Variants in PRKCB observed in about 807,000 individuals in gnomAD.
PRKCB encodes protein kinase C beta type.
PRKCB carries 13 observed loss-of-function variants against 81.5 expected under a neutral mutation model. The observed-to-expected ratio is 0.16, with a 90% CI of 0.10 to 0.25. The LOEUF (loss-of-function observed/expected upper bound fraction) is 0.25. PRKCB is among the 10% of genes least tolerant of loss of function. The pLI, the probability that PRKCB is intolerant of heterozygous loss-of-function variation, is 1.00. For synonymous variants in PRKCB, 335 were observed against 321.4 expected (o/e 1.04, Z -0.45); for missense variants, 509 against 875.7 (o/e 0.58, Z 5.29).
chr16:23,935,475 G>T (rs769441829), intron 2 of PRKCB, among the ~76,000 whole-genome samples: 15 of 152,126 alleles, frequency 9.9e-5, no homozygotes, highest in Non-Finnish European at 1.6e-4. Flanking sequence ...ACACCAAACT[G>T]CAGGGACCCA....
intron 11 of PRKCB, 89 bp downstream of exon 11, chr16:24,172,450 T>C (rs1331790632): frequency 5.7e-6 from 6 of 1,049,522 alleles, no homozygotes; most frequent in Non-Finnish European, 8.7e-6. Flanking sequence ...CAAAGAGGGA[T>C]CTTTAAACAC....
At chr16:24,030,365 T>C (rs1381630442) in intron 3 of PRKCB, among the ~76,000 whole-genome samples, 1 of 151,606 alleles carries the variant, frequency 6.6e-6, no homozygotes, top group East Asian at 1.9e-4. Context: ...GCTGAGAATG[T>C]ACATAGTATG....
intron 2 of PRKCB, among the ~76,000 whole-genome samples, chr16:23,868,073 C>T (rs969743178): frequency 2.0e-5 from 3 of 152,176 alleles, no homozygotes; most frequent in Non-Finnish European, 4.4e-5. Context: ...TATACACTGA[C>T]CTCAGCCTTT....
intron 3 of PRKCB, among the ~76,000 whole-genome samples, chr16:23,989,492 G>A (rs1964848971): frequency 6.6e-6 from 1 of 152,158 alleles, no homozygotes. Flanking sequence ...AGAGATGCTT[G>A]TAGGTAAAAT....
At chr16:23,879,621 G>A (rs1216609575) in intron 2 of PRKCB, among the ~76,000 whole-genome samples, 4 of 151,630 alleles carry the variant, frequency 2.6e-5, no homozygotes, top group African/African-American at 9.7e-5. Context: ...GGCCTCCCGA[G>A]TAGCTGGGAT....
intron 7 of PRKCB, among the ~76,000 whole-genome samples, chr16:24,102,895 TTTTG>T (rs1296829881): frequency 6.6e-6 from 1 of 152,206 alleles, no homozygotes. Context: ...TGAATAGCTT[TTTTG>T]TTTGTTTGTT....
Position 23,958,158 on chromosome 16 carries a change from AT to A in PRKCB, c.206-30345del, listed in dbSNP as rs542249899. 1.7e-3 allele frequency among the ~76,000 whole-genome samples: 251 copies of A among 151,706 alleles called. 9 individuals are homozygous for A. Among genetic ancestry groups the A allele is most frequent in the Admixed American group, 0.014 (217 of 15,232 alleles). ...AGGTGTGTGCCACCACGCCTGGCTAATTTTTGTATTTTTAGTAGAGACAGGG... is the reference window on the plus strand; with the variant it reads ...AGGTGTGTGCCACCACGCCTGGCTAATTTTGTATTTTTAGTAGAGACAGGG... On this transcript the variant is annotated intron_variant, in intron 2 of 16. Coordinates refer to ENST00000643927, the MANE Select transcript of PRKCB (RefSeq NM_002738.7).
At position 24,085,528 on chromosome 16, in the gene PRKCB, G is replaced by A. The variant is rs559553920; in HGVS notation, c.530-7263G>A. ...CATTAGGGTAGTCATATAATTTATTGTTAAAATTTGGACTCTCTTAAGAGT... is the reference window on the plus strand; with the variant it reads ...CATTAGGGTAGTCATATAATTTATTATTAAAATTTGGACTCTCTTAAGAGT... On this transcript the variant is annotated intron_variant, in intron 5 of 16. Transcript: ENST00000643927. Among the ~76,000 whole-genome samples the A allele has an allele frequency of 3.3e-5, 5 of 152,288 alleles. No homozygotes were observed. In the East Asian group the frequency reaches 7.7e-4, roughly 23 times the overall value.
chr16:23,961,726 T>C (rs182875121), intron 2 of PRKCB, among the ~76,000 whole-genome samples: 11 of 152,252 alleles, frequency 7.2e-5, no homozygotes, highest in African/African-American at 2.6e-4. Flanking sequence ...GATTTTGAAC[T>C]ATTTGCATTT....
chr16:24,151,887 T>C, intron 9 of PRKCB: 1 of 455,296 alleles, frequency 2.2e-6, no homozygotes, highest in Non-Finnish European at 4.4e-6. Context: ...TGTCCACCCC[T>C]GTCCCTGGTG....
At chr16:24,031,345 C>T (rs1324725208) in intron 3 of PRKCB, among the ~76,000 whole-genome samples, 1 of 152,186 alleles carries the variant, frequency 6.6e-6, no homozygotes, top group Non-Finnish European at 1.5e-5. Context: ...CCACATATGG[C>T]TCCAAGTTTG....
chr16:24,211,117 A>T (rs1968132064), intron 16 of PRKCB, among the ~76,000 whole-genome samples: 1 of 152,242 alleles, frequency 6.6e-6, no homozygotes, highest in Non-Finnish European at 1.5e-5. Flanking sequence ...AGGTCTTCAT[A>T]CTATGTCAGA....
At chr16:24,088,691 C>A (rs987541452) in intron 5 of PRKCB, among the ~76,000 whole-genome samples, 3 of 147,010 alleles carry the variant, frequency 2.0e-5, no homozygotes, top group Non-Finnish European at 4.5e-5. Context: ...ATCGCGCCAC[C>A]GCACTCCAGC....
chr16:24,081,115 G>A (rs1016022691), intron 5 of PRKCB, among the ~76,000 whole-genome samples: 1 of 152,038 alleles, frequency 6.6e-6, no homozygotes, highest in Non-Finnish European at 1.5e-5. Context: ...TATAGGTCAT[G>A]TTTTTAGTGT....
intron 7 of PRKCB, among the ~76,000 whole-genome samples, chr16:24,110,242 C>T (rs531584673): frequency 2.0e-5 from 3 of 151,692 alleles, no homozygotes; most frequent in East Asian, 1.9e-4. Context: ...GACGGTGTCT[C>T]GCTCTGTTGC....
intron 10 of PRKCB, among the ~76,000 whole-genome samples, chr16:24,168,665 C>T (rs1042364363): frequency 6.8e-6 from 1 of 147,648 alleles, no homozygotes; most frequent in Non-Finnish European, 1.5e-5. Flanking sequence ...ATCCTCTTGC[C>T]TCAGCCTCCC....
intron 2 of PRKCB, among the ~76,000 whole-genome samples, chr16:23,898,610 C>G (rs1013782770): frequency 1.3e-5 from 2 of 152,148 alleles, no homozygotes; most frequent in Non-Finnish European, 2.9e-5. Context: ...CCAGAGAACT[C>G]TTTCTTGACA....
At chr16:24,002,376 T>G (rs1236866462) in intron 3 of PRKCB, among the ~76,000 whole-genome samples, 1 of 151,884 alleles carries the variant, frequency 6.6e-6, no homozygotes, top group Non-Finnish European at 1.5e-5. Flanking sequence ...ATGGAGTCTC[T>G]TTCTGTTACC....
chr16:24,166,505 A>G (rs1052529266), intron 10 of PRKCB, among the ~76,000 whole-genome samples: 7 of 152,280 alleles, frequency 4.6e-5, no homozygotes, highest in Admixed American at 6.5e-5. Flanking sequence ...CAAATCAGGA[A>G]CGTAAGTGCT....
Sources: gnomAD v4.1 joint callset for allele counts (sites outside exome capture counted in the v4.1 genomes callset) on GRCh38, gnomAD v4.1.1 for gene constraint, MANE v1.5 for transcripts, NCBI Gene and HGNC (gene_info 2026-07-23, HGNC 2026-07-21) for gene names.